Variants in KIAA1143 observed in about 807,000 individuals in gnomAD.
KIAA1143 encodes the protein uncharacterized protein KIAA1143.
Under a neutral mutation model 17.0 loss-of-function variants are expected in KIAA1143, and 8 were observed. That is an observed-to-expected ratio of 0.47 (90% CI 0.28 to 0.85). The LOEUF (loss-of-function observed/expected upper bound fraction) is 0.85. KIAA1143 is among the 40% of genes least tolerant of loss of function. The pLI is 0.12. For missense variants in KIAA1143, 162 were observed against 183.3 expected (o/e 0.88, Z 0.67); for synonymous variants, 64 against 67.8 (o/e 0.94, Z 0.27).
chr3:44,755,240 C>T (rs1704953097), intron 1 of KIAA1143, among the ~76,000 whole-genome samples: 2 of 152,120 alleles, frequency 1.3e-5, no homozygotes, highest in Non-Finnish European at 2.9e-5. Context: ...TGCTCGTTTC[C>T]AGATTTTTTT....
At position 44,750,326 on chromosome 3, in the gene KIAA1143, T is replaced by C. The variant is rs1704878356; in HGVS notation, c.*3015A>G. ...TGTTTGAATTATACAGGAAACATTG[T>C]CAAGTGTGAGGTGGTGTTTAGCTTC... On this transcript the variant is annotated 3_prime_UTR_variant, in exon 3 of 3. Transcript: ENST00000296121. 6.6e-6 allele frequency: 1 copy of C among 152,244 alleles called. No homozygotes were observed. Among genetic ancestry groups the C allele is most frequent in the South Asian group, 2.1e-4 (1 of 4,838 alleles). The allele number at this position is 152,244 out of a possible 1,614,324, so 9.4% of individuals were successfully genotyped here. A position where few individuals can be genotyped will look rare whatever the true frequency, so the allele number is the denominator to read the frequency against.
intron 2 of KIAA1143, among the ~76,000 whole-genome samples, chr3:44,753,911 A>C (rs1366254071): frequency 2.6e-5 from 4 of 152,238 alleles, no homozygotes; most frequent in African/African-American, 9.6e-5. Flanking sequence ...GGCAGTAATG[A>C]AATACACCTT....
rs370493969 is a variant in KIAA1143 at position 44,749,017 on chromosome 3, A to G, written c.*4324T>C. ...AATGGCTTCAGGATTAATTTGATTA[A>G]TTTAGAGAGAGCCTATTTCAGGTCT... is the stretch of plus-strand genomic sequence containing the variant. On this transcript the variant is annotated 3_prime_UTR_variant, in exon 3 of 3. Coordinates refer to ENST00000296121, the MANE Select transcript of KIAA1143 (RefSeq NM_020696.4). 1.3e-5 allele frequency: 2 copies of G among 152,304 alleles called. No homozygotes were observed. The highest frequency in any genetic ancestry group is 2.9e-5 in the Non-Finnish European group (2 of 68,028). 9.4% of individuals were successfully genotyped at this position (152,304 alleles called of 1,614,324 possible). A position where few individuals can be genotyped will look rare whatever the true frequency, so the allele number is the denominator to read the frequency against.
intron 1 of KIAA1143, among the ~76,000 whole-genome samples, chr3:44,758,160 T>C (rs1274531116): frequency 1.3e-5 from 2 of 152,226 alleles, no homozygotes; most frequent in East Asian, 3.8e-4. Context: ...CATCTGAGCC[T>C]TCAGTGAGTC....
intron 1 of KIAA1143, among the ~76,000 whole-genome samples, chr3:44,758,207 C>A (rs1705004063): frequency 6.6e-6 from 1 of 152,140 alleles, no homozygotes; most frequent in Non-Finnish European, 1.5e-5. Context: ...GCCCTTGATG[C>A]TGATGGATGT....
At chr3:44,760,681 C>T (rs961429936) in intron 1 of KIAA1143, among the ~76,000 whole-genome samples, 15 of 151,058 alleles carry the variant, frequency 9.9e-5, no homozygotes, top group Non-Finnish European at 2.9e-5. Flanking sequence ...AGCCACCAGG[C>T]CCGGCTTTTT....
chr3:44,757,485 C>G (rs1178244872), intron 1 of KIAA1143, among the ~76,000 whole-genome samples: 1 of 152,156 alleles, frequency 6.6e-6, no homozygotes. Context: ...CCCTCCTCCA[C>G]GAAGTCTAAC....
At chr3:44,756,054 A>C (rs1704965011) in intron 1 of KIAA1143, among the ~76,000 whole-genome samples, 1 of 152,266 alleles carries the variant, frequency 6.6e-6, no homozygotes, top group South Asian at 2.1e-4. Context: ...CCAATAAATG[A>C]CCACAAATAG....
intron 1 of KIAA1143, among the ~76,000 whole-genome samples, chr3:44,760,399 CTTTTT>C (rs957276490): frequency 6.6e-6 from 1 of 151,362 alleles, no homozygotes; most frequent in African/African-American, 2.4e-5. Context: ...TCTTTTTTTT[CTTTTT>C]TTTGAGACGG....
intron 1 of KIAA1143, among the ~76,000 whole-genome samples, chr3:44,760,686 C>CTTT (rs543256879): frequency 2.2e-5 from 3 of 139,160 alleles, no homozygotes; most frequent in Non-Finnish European, 3.1e-5. Context: ...CCAGGCCCGG[C>CTTT]TTTTTTTTTT....
intron 1 of KIAA1143, among the ~76,000 whole-genome samples, chr3:44,756,426 G>C (rs955830412): frequency 6.6e-6 from 1 of 152,154 alleles, no homozygotes; most frequent in Non-Finnish European, 1.5e-5. Flanking sequence ...ACCTCGGTGT[G>C]GTGGTGGGCA....
At position 44,751,922 on chromosome 3, in the gene KIAA1143, C is replaced by T. The variant is rs1318593537; in HGVS notation, c.*1419G>A. ...GTCCCAAGTTAGCATGAAGCAGTTA[C>T]AGAAGAAAGACCCTCAGTCTCTCAG... On this transcript the variant is annotated 3_prime_UTR_variant, in exon 3 of 3. Transcript: ENST00000296121. 1 of 152,164 alleles carries T rather than the reference C, an allele frequency of 6.6e-6. No individual in the cohort carries two copies. The highest frequency in any genetic ancestry group is 2.4e-5 in the African/African-American group (1 of 41,418). The allele number at this position is 152,164 out of a possible 1,614,324, so 9.4% of individuals were successfully genotyped here.
intron 1 of KIAA1143, among the ~76,000 whole-genome samples, chr3:44,755,256 A>G (rs1052881906): frequency 6.6e-6 from 1 of 152,152 alleles, no homozygotes; most frequent in East Asian, 1.9e-4. Context: ...TTTTTCTACT[A>G]TGAAAAAACC....
At chr3:44,760,135 T>A (rs1705054615) in intron 1 of KIAA1143, among the ~76,000 whole-genome samples, 1 of 152,184 alleles carries the variant, frequency 6.6e-6, no homozygotes, top group African/African-American at 2.4e-5. Context: ...TGTCTCAGAC[T>A]TCACAGGATT....
rs558587108 is a variant in KIAA1143, at chr3:44,756,197, A to C, written c.109-1829T>G. Among the ~76,000 whole-genome samples the C allele has an allele frequency of 2.0e-5, 3 of 152,350 alleles. No homozygotes were observed. In the South Asian group the frequency reaches 6.2e-4, roughly 32 times the overall value. On this transcript the variant is annotated intron_variant, in intron 1 of 2. Transcript: ENST00000296121. Reference sequence around the variant, plus strand: ...TAAATGTGACTGCCTGGAAAACAAGAGAAATAGTCTAAGGACAGTGGCAGT... The same window carrying C: ...TAAATGTGACTGCCTGGAAAACAAGCGAAATAGTCTAAGGACAGTGGCAGT...
In KIAA1143 at chr3:44,761,533, G is replaced by T. The variant is rs761352502; in HGVS notation, c.70C>A (p.Arg24=). The T allele has an allele frequency of 6.2e-7, 1 of 1,614,132 alleles. No homozygotes were observed. Among genetic ancestry groups the T allele is most frequent in the Non-Finnish European group, 8.5e-7 (1 of 1,180,022 alleles). ...EPAFLARFKE[R]VGYREGPTVE... ...GTGGGTCCCTCCCTGTAGCCGACCCGTTCCTTGAAGCGGGCCAGAAACGCC... is the reference window on the plus strand; with the variant it reads ...GTGGGTCCCTCCCTGTAGCCGACCCTTTCCTTGAAGCGGGCCAGAAACGCC... The change falls in exon 1 of 3, where the codon CGG becomes AGG. Residue 24 remains arginine (R), a synonymous_variant. Transcript: ENST00000296121.
rs762303742 is a variant in KIAA1143, at chr3:44,761,577, T to G, written c.26A>C (p.Tyr9Ser). The change falls in exon 1 of 3, where the codon TAC (tyrosine) becomes TCC (serine). Residue 9 changes from tyrosine (Y) to serine (S), a missense_variant. Coordinates refer to ENST00000296121, the MANE Select transcript of KIAA1143 (RefSeq NM_020696.4). ...AAACGCCGGCTCGGCTGGCCGCACG[T>G]ACGATACCTGGTTCCGCTTGCTCAT... MSKRNQVS[Y>S]VRPAEPAFLA... is the part of the protein sequence containing the mutation. 333 of 1,613,252 alleles carry G rather than the reference T, an allele frequency of 2.1e-4. 4 individuals are homozygous for G. In the East Asian group the frequency reaches 7.4e-3, roughly 36 times the overall value.
intron 1 of KIAA1143, among the ~76,000 whole-genome samples, chr3:44,754,728 T>C (rs1376753690): frequency 1.3e-5 from 2 of 152,138 alleles, no homozygotes; most frequent in Non-Finnish European, 2.9e-5. Flanking sequence ...GCCTGTCTCT[T>C]CTCTGAGTTA....
At chr3:44,758,728 C>T (rs1193044969) in intron 1 of KIAA1143, among the ~76,000 whole-genome samples, 5 of 152,156 alleles carry the variant, frequency 3.3e-5, no homozygotes, top group African/African-American at 9.7e-5. Flanking sequence ...ATATTTTGCC[C>T]TCTTCCCATG....
Sources: allele counts gnomAD v4.1 joint callset (sites outside exome capture counted in the v4.1 genomes callset), GRCh38; gene constraint gnomAD v4.1.1; transcripts MANE v1.5; gene names NCBI Gene and HGNC (gene_info 2026-07-23, HGNC 2026-07-21).